C1orf35: variants seen among roughly 807,000 people sequenced by gnomAD.
C1orf35 encodes chromosome 1 open reading frame 35.
C1orf35 carries 36 observed loss-of-function variants against 30.9 expected under a neutral mutation model. The ratio of observed to expected loss-of-function variants is 1.16; its 90% CI spans 0.89 to 1.54. The LOEUF (loss-of-function observed/expected upper bound fraction) is 1.54, where lower values mean the gene tolerates loss of function less well. Among genes scored for constraint, C1orf35 ranks in the 40% most tolerant of loss-of-function variants. C1orf35 has a pLI of 0.00. For synonymous variants in C1orf35, 179 were observed against 148.2 expected, an observed-to-expected ratio of 1.21 and a Z score of -1.51; for missense variants, 396 against 358.7, an observed-to-expected ratio of 1.10 and a Z score of -0.84.
In C1orf35 at chr1:228,101,343, C is replaced by G. The variant is rs1391454685; in HGVS notation, c.664G>C (p.Glu222Gln). 3.7e-6 allele frequency: 6 copies of G among 1,614,080 alleles called. No homozygotes were observed. Among genetic ancestry groups the G allele is most frequent in the Non-Finnish European group, 5.1e-6 (6 of 1,180,046 alleles). The change falls in exon 7 of 8, where the codon GAG becomes CAG. Residue 222 changes from glutamate (E) to glutamine (Q), a missense_variant. Physicochemically the swap from Glu to Gln is conservative, Grantham distance 29 (BLOSUM62 2). Transcript: ENST00000272139. ...AEATSSPTSP[E>Q]RPRHHHHDSD... is the part of the protein sequence containing the mutation. The stretch of plus-strand genomic sequence containing the variant: ...CAGATATGGACCAGGGCATACCTCT[C>G]AGGAGATGTGGGAGAGGAGGTGGCC...
In C1orf35 at chr1:228,103,288, A is replaced by C; in HGVS notation, c.-61T>G. 6.4e-7 allele frequency: 1 copy of C among 1,571,712 alleles called. No homozygotes were observed. Among genetic ancestry groups the C allele is most frequent in the Non-Finnish European group, 8.6e-7 (1 of 1,159,672 alleles). On this transcript the variant is annotated 5_prime_UTR_variant, in exon 1 of 8. Coordinates refer to ENST00000272139, the MANE Select transcript of C1orf35 (RefSeq NM_024319.4). The stretch of plus-strand genomic sequence containing the variant: ...TGCAACCTGCAACCCGCAACCCGAG[A>C]CCCGCTACCCACTACCGTCGGACCC...
In C1orf35 at chr1:228,101,050, C is replaced by T. The variant is rs557347090; in HGVS notation, c.*81G>A. ...AGCAGCCTCGGGCTTCACCCACACC[C>T]AAGGAGCTTCCGAGGCAGGAGGCAA... is the stretch of plus-strand genomic sequence containing the variant. On this transcript the variant is annotated 3_prime_UTR_variant, in exon 8 of 8. Coordinates refer to ENST00000272139, the MANE Select transcript of C1orf35 (RefSeq NM_024319.4). 2.0e-5 allele frequency: 32 copies of T among 1,585,502 alleles called. No homozygotes were observed. In the African/African-American group the frequency reaches 4.1e-4, roughly 21 times the overall value.
At position 228,102,509 on chromosome 1, in the gene C1orf35, C is replaced by T. The variant is rs2032998277; in HGVS notation, c.343G>A (p.Val115Met). 6.4e-6 allele frequency: 10 copies of T among 1,558,586 alleles called. No individual in the cohort carries two copies. Among genetic ancestry groups the T allele is most frequent in the African/African-American group, 1.4e-5 (1 of 73,590 alleles). ...REGGDPEEKG[V>M]DRLLGLGSAS... ...CTCCCCAGCCCCAGCAGCCGGTCCA[C>T]GCCCTTCTCCTCGGGGTCGCCTCCT... The change falls in exon 4 of 8, where the codon GTG becomes ATG. Residue 115 changes from valine (V) to methionine (M), a missense_variant. Physicochemically the swap from Val to Met is conservative, Grantham distance 21. Coordinates refer to ENST00000272139, the MANE Select transcript of C1orf35 (RefSeq NM_024319.4).
rs941022146 is a variant in C1orf35, at chr1:228,103,317, C to T, written c.-90G>A. ...GCTACCCACTACCGTCGGACCCAGG[C>T]CCGACCCCGCCTCCGCGTCGCGCGC... is the stretch of plus-strand genomic sequence containing the variant. On this transcript the variant is annotated 5_prime_UTR_variant, in exon 1 of 8. Coordinates refer to ENST00000272139, the MANE Select transcript of C1orf35 (RefSeq NM_024319.4). The T allele has an allele frequency of 7.0e-7, 1 of 1,436,472 alleles. No homozygotes were observed. 89.0% of individuals were successfully genotyped at this position (1,436,472 alleles called of 1,614,324 possible). A position where few individuals can be genotyped will look rare whatever the true frequency, so the allele number is the denominator to read the frequency against.
Position 228,102,148 on chromosome 1 carries a change from G to A in C1orf35, c.465C>T (p.Ser155=), listed in dbSNP as rs777586746. The A allele has an allele frequency of 4.0e-5, 64 of 1,584,136 alleles. No homozygotes were observed. The highest frequency in any genetic ancestry group is 4.9e-5 in the Non-Finnish European group (58 of 1,172,792). The change falls in exon 6 of 8, where the codon AGC becomes AGT. Residue 155 remains serine (S), a synonymous_variant. Coordinates refer to ENST00000272139, the MANE Select transcript of C1orf35 (RefSeq NM_024319.4). ...AGGCTGCCGAGGTCCCGGGCCCGCC[G>A]CTCTCTACGCGGTGATGCTGCGGGA... ...LSVFTHHRVE[S]GGPGTSAASA... is the part of the protein sequence containing the mutation.
Position 228,101,406 on chromosome 1 carries a change from T to C in C1orf35, c.601A>G (p.Lys201Glu), listed in dbSNP as rs774009772. 6 of 1,613,818 alleles carry C rather than the reference T, an allele frequency of 3.7e-6. No individual in the cohort carries two copies. The highest frequency in any genetic ancestry group is 3.3e-5 in the Admixed American group (2 of 59,996). ...KKKKRKHKKEKKKKDKEHRRP... is the reference protein window; with the variant it reads ...KKKKRKHKKEEKKKDKEHRRP... ...CTGTGCTCTTTGTCTTTCTTCTTCT[T>C]CTCTTTCTTGTGTTTCCTCTTTTTC... Residue 201 changes from lysine to glutamate, a missense_variant, in exon 7 of 8, where the codon AAG becomes GAG. Physicochemically the swap from Lys to Glu is moderately conservative, Grantham distance 56. Transcript: ENST00000272139.
intron 2 of C1orf35, 70 bp from the exon 3 acceptor site, chr1:228,102,758 C>A (rs2033008248): frequency 6.6e-7 from 1 of 1,521,190 alleles, no homozygotes; most frequent in South Asian, 1.3e-5. Context: ...ACCACTCCAG[C>A]CTTCGTCCTC....
chr1:228,101,272 A>C lies in C1orf35; in HGVS notation c.669-18T>G, dbSNP rs1191827865. On this transcript the variant is annotated intron_variant, in intron 7 of 7. Transcript: ENST00000272139. ...GCCTGGGCCTGGGGAGACCAATGGC[A>C]GTCAGTCACTCGGAAGGAGTCAACC... 1 of 1,614,132 alleles carries C rather than the reference A, an allele frequency of 6.2e-7. No homozygotes were observed. Among genetic ancestry groups the C allele is most frequent in the Non-Finnish European group, 8.5e-7 (1 of 1,180,008 alleles).
In C1orf35 at chr1:228,102,248, G is replaced by C. The variant is rs902280027; in HGVS notation, c.447+62C>G. 45 of 1,579,520 alleles carry C rather than the reference G, an allele frequency of 2.8e-5. No homozygotes were observed. The East Asian group carries it at 5.4e-4, about 19-fold the overall frequency. On this transcript the variant is annotated intron_variant, in intron 5 of 7. Coordinates refer to ENST00000272139, the MANE Select transcript of C1orf35 (RefSeq NM_024319.4). ...GCAGCGCCCCGGGGAGCTCCGTTCA[G>C]TGCCCCCGCCCCGCCCCACCCCTGT... is the stretch of plus-strand genomic sequence containing the variant.
Position 228,101,137 on chromosome 1 carries a change from C to T in C1orf35, c.786G>A (p.Glu262=), listed in dbSNP as rs961917850. The T allele has an allele frequency of 6.2e-7, 1 of 1,613,206 alleles. No individual in the cohort carries two copies. Among genetic ancestry groups the T allele is most frequent in the Non-Finnish European group, 8.5e-7 (1 of 1,180,044 alleles). Residue 262 remains glutamate, a synonymous_variant, in exon 8 of 8, where the codon GAG becomes GAA. Coordinates refer to ENST00000272139, the MANE Select transcript of C1orf35 (RefSeq NM_024319.4). ...AGTGAGCAGGGTCCAGCCATCAGGC[C>T]TCAGAGCCTCTGTCATGCCACCTGC... is the stretch of plus-strand genomic sequence containing the variant. ...PSRRWHDRGS[E]A
intron 6 of C1orf35, 97 bp downstream of exon 6, chr1:228,101,983 G>T: frequency 6.3e-6 from 9 of 1,429,692 alleles, no homozygotes; most frequent in Non-Finnish European, 8.2e-6. Context: ...GGGCCGGTGC[G>T]CCAAGAGAAG....
At position 228,100,957 on chromosome 1, in the gene C1orf35, C is replaced by T. The variant is rs958884855; in HGVS notation, c.*174G>A. 6 of 977,934 alleles carry T rather than the reference C, an allele frequency of 6.1e-6. No individual in the cohort carries two copies. The highest frequency in any genetic ancestry group is 3.3e-4 in the Middle Eastern group (1 of 2,998). The allele number at this position is 977,934 out of a possible 1,614,324, so 60.6% of individuals were successfully genotyped here. A position where few individuals can be genotyped will look rare whatever the true frequency, so the allele number is the denominator to read the frequency against. ...GAAACCTGGAGGTTTTCCAGGAAGCCGGCTGCTCCAGAGCTAGCTGTCAAG... is the reference window on the plus strand; with the variant it reads ...GAAACCTGGAGGTTTTCCAGGAAGCTGGCTGCTCCAGAGCTAGCTGTCAAG... On this transcript the variant is annotated 3_prime_UTR_variant, in exon 8 of 8. Transcript: ENST00000272139.
At position 228,102,571 on chromosome 1, in the gene C1orf35, G is replaced by C. The variant is rs566468092; in HGVS notation, c.292-11C>G. ...GACCTCCGCGAAGTCCTGCAGGTGC[G>C]AGAGCACAGGGAGCGCTCGAGTCGG... On this transcript the variant is annotated splice_polypyrimidine_tract_variant and intron_variant, in intron 3 of 7. Transcript: ENST00000272139. The C allele has an allele frequency of 6.4e-7, 1 of 1,569,270 alleles. No homozygotes were observed. Among genetic ancestry groups the C allele is most frequent in the Non-Finnish European group, 8.6e-7 (1 of 1,160,550 alleles).
At chr1:228,101,558 C>G in intron 6 of C1orf35, 85 bp from the exon 7 acceptor site, 1 of 1,571,340 alleles carries the variant, frequency 6.4e-7, no homozygotes, top group Non-Finnish European at 8.6e-7. Flanking sequence ...CCAGATGAAG[C>G]CACCACCCAC....
chr1:228,102,958 G>T lies in C1orf35; in HGVS notation c.186C>A (p.Ser62Arg). ...GCACGGCTGCCAGTTCCTCCTCGCG[G>T]CTCGGGCCCGCGCATGGCGCCCGGC... ...AKGRAPCAGP[S>R]REEELAAVRE... The change falls in exon 2 of 8, where the codon AGC becomes AGA. Residue 62 changes from serine (S) to arginine (R), a missense_variant. Transcript: ENST00000272139. 6.6e-7 allele frequency: 1 copy of T among 1,521,316 alleles called. No individual in the cohort carries two copies. The highest frequency in any genetic ancestry group is 2.6e-5 in the East Asian group (1 of 38,532). 94.2% of individuals were successfully genotyped at this position (1,521,316 alleles called of 1,614,324 possible).
At chr1:228,103,096 A>AGCCCGGG (rs1558091590) in intron 1 of C1orf35, 38 bp downstream of exon 1, 10 of 1,602,560 alleles carry the variant, frequency 6.2e-6, no homozygotes, top group Non-Finnish European at 8.5e-6. Flanking sequence ...GGGATCCCGG[A>AGCCCGGG]GCCCGGAGCC....
rs746206800 is a variant in C1orf35, at chr1:228,101,356, AGAG to A, written c.648_650del (p.Ser217del). 3 of 1,614,096 alleles carry A rather than the reference AGAG, an allele frequency of 1.9e-6. No individual in the cohort carries two copies. The East Asian group carries it at 6.7e-5, about 36-fold the overall frequency. On this transcript the variant is annotated inframe_deletion, in exon 7 of 8. Coordinates refer to ENST00000272139, the MANE Select transcript of C1orf35 (RefSeq NM_024319.4). ...GGGCATACCTCTCAGGAGATGTGGG[AGAG>A]GAGGTGGCCTCAGCTGGCCGCCTGT...
At position 228,101,217 on chromosome 1, in the gene C1orf35, G is replaced by GGGAGTT. The variant is rs752676520; in HGVS notation, c.700_705dup (p.Asn234_Ser235dup). On this transcript the variant is annotated inframe_insertion, in exon 8 of 8. Transcript: ENST00000272139. ...CCCCGCTTCCTCCTCTTACAGCAGG[G>GGGAGTT]GGAGTTGGAGTCGGAGTCATGGTGG... The GGGAGTT allele has an allele frequency of 6.2e-7, 1 of 1,614,068 alleles. No homozygotes were observed.
intron 6 of C1orf35, 58 bp downstream of exon 6, chr1:228,102,022 C>G: frequency 2.1e-6 from 3 of 1,458,780 alleles, no homozygotes; most frequent in East Asian, 2.5e-5. Flanking sequence ...GGAGCCGCTC[C>G]GGTCCTCCCG....
Sources: gnomAD v4.1 joint callset for allele counts on GRCh38, gnomAD v4.1.1 for gene constraint, MANE v1.5 for transcripts, NCBI Gene and HGNC (gene_info 2026-07-23, HGNC 2026-07-21) for gene names.